The following OXR1 variants were observed in gnomAD, a reference collection of about 807,000 sequenced individuals.
OXR1 encodes the protein oxidation resistance 1, also known as oxidation resistance protein 1.
A neutral mutation model predicts 104.6 loss-of-function variants in OXR1; 41 were observed. The ratio of observed to expected loss-of-function variants is 0.39; its 90% CI spans 0.31 to 0.51. The LOEUF (loss-of-function observed/expected upper bound fraction) is 0.51. OXR1 is among the 20% of genes least tolerant of loss of function. The pLI, the probability that OXR1 is intolerant of heterozygous loss-of-function variation, is 0.77. For missense variants in OXR1, 955 were observed against 1,031.9 expected, an observed-to-expected ratio of 0.93 and a Z score of 1.02; for synonymous variants, 348 against 348.4, an observed-to-expected ratio of 1.00 and a Z score of 0.01.
At position 106,695,790 on chromosome 8, in the gene OXR1, TTTATC is replaced by T. The variant is rs745568865; in HGVS notation, c.675+2916_675+2920del. On this transcript the variant is annotated intron_variant, in intron 7 of 16. Transcript: ENST00000517566. ...CCCTAACTTTTAAATTTTATGCCAC[TTTATC>T]TTTTTTTGGTCCATTGAATTTTTTT... Among the ~76,000 whole-genome samples the T allele has an allele frequency of 8.1e-5, 12 of 148,440 alleles. No homozygotes were observed. In the East Asian group the frequency reaches 2.2e-3, roughly 27 times the overall value.
At position 106,710,792 on chromosome 8, in the gene OXR1, T is replaced by TA. The variant is rs776599429; in HGVS notation, c.1793+8dup. 2.0e-6 allele frequency: 3 copies of TA among 1,494,330 alleles called. No individual in the cohort carries two copies. The highest frequency in any genetic ancestry group is 2.7e-6 in the Non-Finnish European group (3 of 1,117,718). 92.6% of individuals were successfully genotyped at this position (1,494,330 alleles called of 1,614,324 possible). A position where few individuals can be genotyped will look rare whatever the true frequency, so the allele number is the denominator to read the frequency against. The stretch of plus-strand genomic sequence containing the variant: ...TTGGTTTGCTGTGCCACAAGAAAGG[T>TA]AAAAAACCCATACGACACCTTGAGA... On this transcript the variant is annotated splice_region_variant and intron_variant, in intron 10 of 16. Transcript: ENST00000517566.
intron 3 of OXR1, among the ~76,000 whole-genome samples, chr8:106,565,542 G>T (rs1048157246): frequency 6.6e-6 from 1 of 152,044 alleles, no homozygotes; most frequent in Non-Finnish European, 1.5e-5. Context: ...CATGAAAATG[G>T]CCATACTCCC....
chr8:106,412,093 T>C (rs1182824928), intron 2 of OXR1, among the ~76,000 whole-genome samples: 1 of 152,176 alleles, frequency 6.6e-6, no homozygotes, highest in Non-Finnish European at 1.5e-5. Context: ...TAATATTAAA[T>C]ACTCAAAAAT....
intron 3 of OXR1, among the ~76,000 whole-genome samples, chr8:106,633,728 C>T (rs1822901943): frequency 1.3e-5 from 2 of 152,172 alleles, no homozygotes; most frequent in African/African-American, 2.4e-5. Context: ...TAATTGCAGA[C>T]TTCAAGTTCA....
intron 3 of OXR1, among the ~76,000 whole-genome samples, chr8:106,561,760 C>T (rs952773819): frequency 3.9e-5 from 6 of 152,128 alleles, no homozygotes; most frequent in South Asian, 2.1e-4. Flanking sequence ...CCCTCTGGGA[C>T]GAAGCTTCCA....
chr8:106,459,027 A>G (rs974516738), intron 2 of OXR1, among the ~76,000 whole-genome samples: 1 of 152,114 alleles, frequency 6.6e-6, no homozygotes, highest in South Asian at 2.1e-4. Context: ...TGATGCTGGA[A>G]TGAGTTAAGA....
intron 2 of OXR1, among the ~76,000 whole-genome samples, chr8:106,390,280 G>C (rs567259838): frequency 6.6e-6 from 1 of 152,186 alleles, no homozygotes; most frequent in East Asian, 1.9e-4. Flanking sequence ...TGCCAGCCTA[G>C]GGACACTACT....
At chr8:106,335,543 A>G (rs1814925646) in intron 1 of OXR1, among the ~76,000 whole-genome samples, 1 of 152,058 alleles carries the variant, frequency 6.6e-6, no homozygotes, top group Admixed American at 6.6e-5. Context: ...GGCATCTTGA[A>G]TCTTTCCTTC....
chr8:106,658,485 T>C (rs1321629254), intron 3 of OXR1, among the ~76,000 whole-genome samples: 1 of 152,210 alleles, frequency 6.6e-6, no homozygotes, highest in Non-Finnish European at 1.5e-5. Flanking sequence ...ATCCATTCTC[T>C]CTTTCCCTCC....
chr8:106,361,213 G>C (rs1164255012), intron 2 of OXR1, among the ~76,000 whole-genome samples: 1 of 152,166 alleles, frequency 6.6e-6, no homozygotes, highest in Non-Finnish European at 1.5e-5. Flanking sequence ...TGCAAAGCAG[G>C]TAATTCAATG....
chr8:106,533,611 A>T (rs1814249476), intron 3 of OXR1, among the ~76,000 whole-genome samples: 1 of 152,066 alleles, frequency 6.6e-6, no homozygotes, highest in South Asian at 2.1e-4. Context: ...TTATTTTGGG[A>T]CTTATAGAAG....
intron 2 of OXR1, among the ~76,000 whole-genome samples, chr8:106,499,819 G>C (rs540989460): frequency 1.3e-5 from 2 of 152,228 alleles, no homozygotes; most frequent in African/African-American, 2.4e-5. Context: ...ATAGGAGCAT[G>C]TGTGGTAGAA....
At chr8:106,750,256 A>G (rs969312682) in intron 16 of OXR1, among the ~76,000 whole-genome samples, 5 of 151,556 alleles carry the variant, frequency 3.3e-5, no homozygotes. Flanking sequence ...AATCCTATAT[A>G]AAGTTCATTA....
chr8:106,683,679 T>G (rs147021742), intron 5 of OXR1, among the ~76,000 whole-genome samples: 2 of 152,312 alleles, frequency 1.3e-5, no homozygotes, highest in Admixed American at 1.3e-4. Context: ...TCAGGAATAA[T>G]CTAGCCTACT....
At chr8:106,409,923 A>G (rs1818395563) in intron 2 of OXR1, among the ~76,000 whole-genome samples, 1 of 152,190 alleles carries the variant, frequency 6.6e-6, no homozygotes. Context: ...ATGCCACTAA[A>G]TATCAAAATG....
intron 1 of OXR1, among the ~76,000 whole-genome samples, chr8:106,327,428 A>G (rs1416769016): frequency 6.6e-6 from 1 of 152,128 alleles, no homozygotes; most frequent in Non-Finnish European, 1.5e-5. Context: ...TACCATGCTA[A>G]TTTCCTTTCT....
intron 3 of OXR1, among the ~76,000 whole-genome samples, chr8:106,643,401 G>T (rs1313489870): frequency 6.6e-6 from 1 of 151,376 alleles, no homozygotes; most frequent in Non-Finnish European, 1.5e-5. Flanking sequence ...TGGTCTAGAA[G>T]AATAGGCTGA....
At chr8:106,561,543 C>T (rs570962999) in intron 3 of OXR1, among the ~76,000 whole-genome samples, 3 of 152,160 alleles carry the variant, frequency 2.0e-5, no homozygotes, top group Non-Finnish European at 4.4e-5. Flanking sequence ...CGGCTGTGGG[C>T]GCAGCTTCAG....
chr8:106,618,845 C>A (rs1248611900), intron 3 of OXR1, among the ~76,000 whole-genome samples: 1 of 151,888 alleles, frequency 6.6e-6, no homozygotes, highest in Non-Finnish European at 1.5e-5. Context: ...TCCAGAAAAA[C>A]GAGGCAAGAA....
Sources: allele counts gnomAD v4.1 joint callset (sites outside exome capture counted in the v4.1 genomes callset), GRCh38; gene constraint gnomAD v4.1.1; transcripts MANE v1.5; gene names NCBI Gene and HGNC (gene_info 2026-07-23, HGNC 2026-07-21).